Variants in CNGA1 observed in about 807,000 individuals in gnomAD.
CNGA1 encodes the protein cyclic nucleotide gated channel subunit alpha 1, also known as cyclic nucleotide-gated channel alpha-1.
CNGA1 carries 53 observed loss-of-function variants against 69.7 expected under a neutral mutation model. The observed-to-expected ratio is 0.76, with a 90% CI of 0.61 to 0.96. The LOEUF (loss-of-function observed/expected upper bound fraction) is 0.96. Ranked by LOEUF, CNGA1 falls within the 40% of genes least tolerant of loss-of-function variation. CNGA1 has a pLI of 0.00. For synonymous variants in CNGA1, 249 were observed against 283.5 expected (o/e 0.88, Z 1.22); for missense variants, 739 against 811.2 (o/e 0.91, Z 1.08).
chr4:48,002,683 C>CAAA (rs34405949), intron 2 of CNGA1, among the ~76,000 whole-genome samples: 2 of 117,762 alleles, frequency 1.7e-5, no homozygotes, highest in African/African-American at 3.3e-5. Context: ...GTCAGACATG[C>CAAA]AAAAAAAAAA....
intron 3 of CNGA1, among the ~76,000 whole-genome samples, chr4:47,977,627 G>A (rs1342436002): frequency 6.6e-6 from 1 of 151,990 alleles, no homozygotes; most frequent in African/African-American, 2.4e-5. Context: ...CTTGAGGACA[G>A]GTCACAGTGA....
intron 2 of CNGA1, among the ~76,000 whole-genome samples, chr4:47,987,727 GA>G (rs1231672060): frequency 7.2e-5 from 11 of 152,102 alleles, no homozygotes; most frequent in Admixed American, 7.2e-4. Flanking sequence ...GAAAACAAGG[GA>G]AAGAAATAGA....
intron 3 of CNGA1, among the ~76,000 whole-genome samples, chr4:47,956,765 A>T (rs946177546): frequency 9.9e-5 from 15 of 152,116 alleles, no homozygotes; most frequent in Non-Finnish European, 1.8e-4. Context: ...AGTGTGGGAG[A>T]GGTGATAGAG....
chr4:47,938,476 C>T (rs1386732707), intron 10 of CNGA1, among the ~76,000 whole-genome samples: 1 of 151,790 alleles, frequency 6.6e-6, no homozygotes, highest in Admixed American at 6.6e-5. Context: ...TTGCTGCAAC[C>T]TCCGCCTCTG....
chr4:48,016,424 G>C (rs968977527), intron 1 of CNGA1, 59 bp downstream of exon 1: 5 of 205,450 alleles, frequency 2.4e-5, no homozygotes, highest in Non-Finnish European at 4.8e-5. Context: ...TTTTCGACCA[G>C]AGAGGAGCCA....
intron 2 of CNGA1, among the ~76,000 whole-genome samples, chr4:47,998,485 C>T (rs556828752): frequency 1.3e-5 from 2 of 152,206 alleles, no homozygotes; most frequent in East Asian, 3.9e-4. Context: ...ATTAATAATG[C>T]TTACATGGAC....
chr4:47,949,892 C>G lies in CNGA1; in HGVS notation c.228G>C (p.Glu76Asp). The G allele has an allele frequency of 6.2e-7, 1 of 1,613,966 alleles. No homozygotes were observed. Among genetic ancestry groups the G allele is most frequent in the Non-Finnish European group, 8.5e-7 (1 of 1,179,864 alleles). The part of the protein sequence containing the change: ...SLRKGGPSQR[E>D]QYLPGAIALF... ...GTGCAATGGCACCAGGCAGGTACTG[C>G]TCCCTGGGAAATGAAAAACATGCAG... The change falls in exon 6 of 11, where the codon GAG (glutamate) becomes GAC (aspartate). Residue 76 changes from glutamate to aspartate, a missense_variant. Coordinates refer to ENST00000514170, the MANE Select transcript of CNGA1 (RefSeq NM_001379270.1).
chr4:47,988,946 G>A (rs919926641), intron 2 of CNGA1, among the ~76,000 whole-genome samples: 1 of 151,438 alleles, frequency 6.6e-6, no homozygotes, highest in African/African-American at 2.4e-5. Context: ...TAAATAGAAT[G>A]TACAGGATTA....
chr4:47,968,935 A>G (rs1740870894), intron 3 of CNGA1, among the ~76,000 whole-genome samples: 1 of 152,184 alleles, frequency 6.6e-6, no homozygotes, highest in Non-Finnish European at 1.5e-5. Flanking sequence ...AGAGAGAAAA[A>G]GTAAGAAACA....
chr4:47,952,636 C>A lies in CNGA1; in HGVS notation c.54G>T (p.Val18=). The stretch of plus-strand genomic sequence containing the variant: ...TTTCCTTTTCAATATCTGGTACAAT[C>A]ACATTGGGCATGGTTACAAAAGACT... ...TQQSFVTMPN[V]IVPDIEKEIR... The change falls in exon 4 of 11, where the codon GTG becomes GTT. Residue 18 remains valine (V), a synonymous_variant. Coordinates refer to ENST00000514170, the MANE Select transcript of CNGA1 (RefSeq NM_001379270.1). The A allele has an allele frequency of 1.2e-6, 2 of 1,609,292 alleles. No homozygotes were observed. The highest frequency in any genetic ancestry group is 1.7e-6 in the Non-Finnish European group (2 of 1,176,798).
rs898266295 is a variant in CNGA1 at position 47,949,893 on chromosome 4, T to G, written c.227A>C (p.Glu76Ala). The change falls in exon 6 of 11, where the codon GAG becomes GCG. Residue 76 changes from glutamate (E) to alanine (A), a missense_variant and splice_region_variant. Physicochemically the swap from Glu to Ala is moderately radical, Grantham distance 107. Coordinates refer to ENST00000514170, the MANE Select transcript of CNGA1 (RefSeq NM_001379270.1). ...TGCAATGGCACCAGGCAGGTACTGC[T>G]CCCTGGGAAATGAAAAACATGCAGT... The part of the protein sequence containing the change: ...SLRKGGPSQR[E>A]QYLPGAIALF... 2.4e-5 allele frequency: 38 copies of G among 1,613,844 alleles called. No homozygotes were observed. The highest frequency in any genetic ancestry group is 2.8e-5 in the Non-Finnish European group (33 of 1,179,856).
intron 2 of CNGA1, among the ~76,000 whole-genome samples, chr4:47,997,036 G>A (rs1448141094): frequency 6.6e-6 from 1 of 152,082 alleles, no homozygotes; most frequent in Non-Finnish European, 1.5e-5. Context: ...CTCCAGCCTG[G>A]GCAACAGAGT....
Position 47,936,423 on chromosome 4 carries a change from A to G in CNGA1, c.2059T>C (p.Ter687GlnextTer7), listed in dbSNP as rs1345977289. Residue 687 changes from the stop codon to glutamine (Q), a stop_lost, in exon 11 of 11, where the codon TAG becomes CAG. Coordinates refer to ENST00000514170, the MANE Select transcript of CNGA1 (RefSeq NM_001379270.1). ...GAESGPIDST[*>Q] ...TGTTAATGACCAGCTTTTCGGTTCT[A>G]TGTAGAGTCGATGGGCCCACTTTCC... 4 of 1,614,104 alleles carry G rather than the reference A, an allele frequency of 2.5e-6. No homozygotes were observed. Among genetic ancestry groups the G allele is most frequent in the Non-Finnish European group, 3.4e-6 (4 of 1,179,978 alleles).
intron 3 of CNGA1, among the ~76,000 whole-genome samples, chr4:47,953,804 C>T (rs1739889064): frequency 6.6e-6 from 1 of 152,154 alleles, no homozygotes; most frequent in African/African-American, 2.4e-5. Context: ...GGGAACCCAC[C>T]TTGAGAATGC....
chr4:47,946,679 C>T (rs374397555), intron 6 of CNGA1, among the ~76,000 whole-genome samples: 13 of 152,174 alleles, frequency 8.5e-5, no homozygotes, highest in South Asian at 6.2e-4. Flanking sequence ...TGTATCAATC[C>T]GTCATATGAT....
At chr4:48,003,642 C>A (rs1714762288) in intron 2 of CNGA1, among the ~76,000 whole-genome samples, 1 of 151,990 alleles carries the variant, frequency 6.6e-6, no homozygotes, top group Non-Finnish European at 1.5e-5. Context: ...TTATAACAAC[C>A]CTCGCTCTAT....
chr4:48,003,157 A>T (rs1714740260), intron 2 of CNGA1, among the ~76,000 whole-genome samples: 1 of 152,176 alleles, frequency 6.6e-6, no homozygotes, highest in African/African-American at 2.4e-5. Context: ...CAACATATGT[A>T]AGGTGAACAC....
intron 2 of CNGA1, among the ~76,000 whole-genome samples, chr4:48,007,921 C>A (rs6447606): frequency 1.6e-4 from 25 of 151,946 alleles, no homozygotes; most frequent in Non-Finnish European, 3.7e-4. Context: ...TTGAAGGAAA[C>A]CATTATTATT....
At chr4:47,988,260 G>T (rs1297779353) in intron 2 of CNGA1, among the ~76,000 whole-genome samples, 1 of 152,160 alleles carries the variant, frequency 6.6e-6, no homozygotes, top group Non-Finnish European at 1.5e-5. Flanking sequence ...GGAAAAGCAA[G>T]CTTGGGGTAG....
Sources: allele counts gnomAD v4.1 joint callset (sites outside exome capture counted in the v4.1 genomes callset), GRCh38; gene constraint gnomAD v4.1.1; transcripts MANE v1.5; gene names NCBI Gene and HGNC (gene_info 2026-07-23, HGNC 2026-07-21).